Variants in FHIT observed in about 807,000 individuals in gnomAD.
FHIT encodes bis(5'-adenosyl)-triphosphatase.
FHIT carries 19 observed loss-of-function variants against 17.9 expected under a neutral mutation model. The ratio of observed to expected loss-of-function variants is 1.06; its 90% confidence interval spans 0.74 to 1.56. The LOEUF (loss-of-function observed/expected upper bound fraction) is 1.56, where lower values mean the gene tolerates loss of function less well. Ranked by LOEUF, FHIT falls within the 40% of genes most tolerant of loss-of-function variation. The probability of loss-of-function intolerance (pLI) is 0.00; values close to 1 mark genes in which losing one functional copy is unlikely to be tolerated. For synonymous variants in FHIT, 81 were observed against 69.7 expected, an observed-to-expected ratio of 1.16 and a Z score of -0.81; for missense variants, 248 against 189.2, an observed-to-expected ratio of 1.31 and a Z score of -1.82.
At chr3:59,920,548 T>C (rs962896921) in intron 8 of FHIT, among the ~76,000 whole-genome samples, 5 of 152,128 alleles carry the variant, frequency 3.3e-5, no homozygotes, top group African/African-American at 9.7e-5. Context: ...AAAGTAACCA[T>C]GCAGCTTCAT....
At position 60,927,823 on chromosome 3, in the gene FHIT, T is replaced by C. The variant is rs188819086; in HGVS notation, c.-110-105812A>G. 9.0e-3 allele frequency among the ~76,000 whole-genome samples: 1,376 copies of C among 152,308 alleles called. 8 individuals are homozygous for C. The highest frequency in any genetic ancestry group is 0.038 in the South Asian group (185 of 4,832). On this transcript the variant is annotated intron_variant, in intron 3 of 9. Transcript: ENST00000492590. ...TCTGGGAGGTGTACCCACCAGCTCA[T>C]TGAGAACAGGCCATGACGATGATGG...
intron 8 of FHIT, among the ~76,000 whole-genome samples, chr3:59,866,895 G>C (rs1000606809): frequency 6.6e-6 from 1 of 151,974 alleles, no homozygotes; most frequent in African/African-American, 2.4e-5. Context: ...TGATAATTTA[G>C]GAAGGTTTTA....
chr3:61,113,848 G>A (rs1357917331), intron 2 of FHIT, among the ~76,000 whole-genome samples: 1 of 152,204 alleles, frequency 6.6e-6, no homozygotes, highest in African/African-American at 2.4e-5. Flanking sequence ...GTAAGCAGTA[G>A]AAGTTGCATT....
intron 5 of FHIT, among the ~76,000 whole-genome samples, chr3:60,485,062 T>C (rs1041673618): frequency 3.3e-5 from 5 of 152,160 alleles, no homozygotes; most frequent in Non-Finnish European, 5.9e-5. Flanking sequence ...AAGCTCAACA[T>C]CACTGATCAT....
intron 5 of FHIT, among the ~76,000 whole-genome samples, chr3:60,483,141 T>C (rs895814978): frequency 1.3e-5 from 2 of 152,066 alleles, no homozygotes; most frequent in Non-Finnish European, 2.9e-5. Context: ...AGGAGTTGAA[T>C]CCTTGAACAG....
At chr3:61,100,600 G>GA (rs2035788886) in intron 2 of FHIT, among the ~76,000 whole-genome samples, 1 of 152,078 alleles carries the variant, frequency 6.6e-6, no homozygotes, top group East Asian at 1.9e-4. Flanking sequence ...TGGGTCAAAT[G>GA]GTAATTCTAG....
At chr3:60,060,941 G>A (rs1702270857) in intron 5 of FHIT, among the ~76,000 whole-genome samples, 2 of 152,156 alleles carry the variant, frequency 1.3e-5, no homozygotes, top group South Asian at 4.2e-4. Flanking sequence ...ATGTGTGAAG[G>A]AGCTAAGATC....
intron 8 of FHIT, among the ~76,000 whole-genome samples, chr3:59,864,249 G>C (rs566427331): frequency 2.0e-5 from 3 of 152,274 alleles, no homozygotes; most frequent in Admixed American, 2.0e-4. Context: ...CCCAGTGGGA[G>C]GTAATTGAAT....
chr3:60,594,518 C>G (rs552175451), intron 4 of FHIT, among the ~76,000 whole-genome samples: 1 of 152,246 alleles, frequency 6.6e-6, no homozygotes, highest in Non-Finnish European at 1.5e-5. Context: ...AAAGCTGACT[C>G]TGATCACATA....
At chr3:59,848,428 T>C (rs1701803418) in intron 8 of FHIT, among the ~76,000 whole-genome samples, 1 of 152,136 alleles carries the variant, frequency 6.6e-6, no homozygotes, top group Non-Finnish European at 1.5e-5. Flanking sequence ...AGGGAAAGAA[T>C]GCCAAAAAGA....
At chr3:61,233,995 T>C (rs985524574) in intron 1 of FHIT, among the ~76,000 whole-genome samples, 4 of 152,212 alleles carry the variant, frequency 2.6e-5, no homozygotes, top group Non-Finnish European at 5.9e-5. Context: ...CTGAAAGCAT[T>C]TGAAGCTGAC....
intron 3 of FHIT, among the ~76,000 whole-genome samples, chr3:60,920,938 T>G (rs1707250314): frequency 6.6e-6 from 1 of 152,232 alleles, no homozygotes; most frequent in Non-Finnish European, 1.5e-5. Context: ...TATTATTTTA[T>G]TGTTTACAAA....
chr3:59,803,459 C>T (rs919387106), intron 8 of FHIT, among the ~76,000 whole-genome samples: 3 of 152,204 alleles, frequency 2.0e-5, no homozygotes, highest in Admixed American at 1.3e-4. Flanking sequence ...GCTGCATTAA[C>T]GGTCTCCGAA....
chr3:59,862,847 G>A (rs1046211799), intron 8 of FHIT, among the ~76,000 whole-genome samples: 1 of 151,012 alleles, frequency 6.6e-6, no homozygotes, highest in South Asian at 2.1e-4. Context: ...AAGAGCAAAG[G>A]AGCCTGGGTA....
intron 8 of FHIT, 146 bp downstream of exon 8, chr3:59,922,200 C>T: frequency 1.4e-6 from 1 of 708,190 alleles, no homozygotes; most frequent in Non-Finnish European, 2.5e-6. Context: ...TTCTTGACTC[C>T]TTGGCCTCTA....
At chr3:60,472,157 T>TAAAA (rs143951495) in intron 5 of FHIT, among the ~76,000 whole-genome samples, 2 of 146,742 alleles carry the variant, frequency 1.4e-5, no homozygotes, top group African/African-American at 2.5e-5. Flanking sequence ...ACTTTTTTGT[T>TAAAA]AAAAAAAAAA....
At chr3:61,172,173 TTA>T (rs1314695800) in intron 2 of FHIT, among the ~76,000 whole-genome samples, 1 of 152,096 alleles carries the variant, frequency 6.6e-6, no homozygotes, top group African/African-American at 2.4e-5. Flanking sequence ...ACAATCTCAA[TTA>T]TATATATAGT....
chr3:60,121,083 C>CT (rs1170827017), intron 5 of FHIT, among the ~76,000 whole-genome samples: 1 of 152,062 alleles, frequency 6.6e-6, no homozygotes, highest in Non-Finnish European at 1.5e-5. Context: ...ATTTAAAAAA[C>CT]TTTTTTTAAA....
chr3:60,674,011 T>G (rs2107847667), intron 4 of FHIT, among the ~76,000 whole-genome samples: 2 of 149,478 alleles, frequency 1.3e-5, no homozygotes, highest in Middle Eastern at 3.4e-3. Context: ...ATTCTCTCTA[T>G]CCTCATTTCT....
Sources: gnomAD v4.1 joint callset for allele counts (sites outside exome capture counted in the v4.1 genomes callset) on GRCh38, gnomAD v4.1.1 for gene constraint, MANE v1.5 for transcripts, NCBI Gene and HGNC (gene_info 2026-07-23, HGNC 2026-07-21) for gene names.